The following IMPA1 variants were observed in gnomAD, a reference collection of about 807,000 sequenced individuals.
IMPA1 encodes inositol monophosphatase 1, also known as D-galactose 1-phosphate phosphatase.
IMPA1 carries 21 observed loss-of-function variants against 34.9 expected under a neutral mutation model. The observed-to-expected ratio is 0.60, with a 90% CI of 0.43 to 0.87. IMPA1 has a LOEUF of 0.87. Among genes scored for constraint, IMPA1 ranks in the 40% least tolerant of loss-of-function variants. IMPA1 has a pLI of 0.00. For missense variants in IMPA1, 299 were observed against 336.4 expected (o/e 0.89, Z 0.87); for synonymous variants, 95 against 104.4 (o/e 0.91, Z 0.55).
At chr8:81,683,897 G>A (rs550210281) in intron 1 of IMPA1, among the ~76,000 whole-genome samples, 2 of 152,202 alleles carry the variant, frequency 1.3e-5, no homozygotes, top group East Asian at 1.9e-4. Context: ...CTGTCCATTC[G>A]GATTCATCTT....
chr8:81,660,720 G>A (rs1340501055), intron 7 of IMPA1, 53 bp from the exon 8 acceptor site: 9 of 1,449,228 alleles, frequency 6.2e-6, no homozygotes, highest in Non-Finnish European at 2.8e-6. Flanking sequence ...TTTCAAGTAA[G>A]ATATTCCTCC....
chr8:81,676,045 A>G (rs1194171733), intron 5 of IMPA1, among the ~76,000 whole-genome samples, 189 bp downstream of exon 5: 4 of 152,348 alleles, frequency 2.6e-5, no homozygotes, highest in East Asian at 3.8e-4. Context: ...TGCTTCTCAG[A>G]ATACATAAAA....
chr8:81,683,198 G>A (rs531409377), intron 1 of IMPA1, among the ~76,000 whole-genome samples: 1 of 152,316 alleles, frequency 6.6e-6, no homozygotes, highest in East Asian at 1.9e-4. Context: ...GGAAACAGGA[G>A]AGATAAAGCT....
chr8:81,665,941 C>T (rs1268900724), intron 7 of IMPA1, among the ~76,000 whole-genome samples: 7 of 152,158 alleles, frequency 4.6e-5, no homozygotes, highest in African/African-American at 1.7e-4. Context: ...GTGCCCTCCC[C>T]CAAGGAATCT....
At chr8:81,677,463 T>C (rs1214821112) in intron 4 of IMPA1, among the ~76,000 whole-genome samples, 1 of 152,218 alleles carries the variant, frequency 6.6e-6, no homozygotes, top group East Asian at 1.9e-4. Context: ...AATAAATGGC[T>C]GTTACTTGTC....
chr8:81,683,455 T>G lies in IMPA1; in HGVS notation c.-24-1871A>C, dbSNP rs569971828. On this transcript the variant is annotated intron_variant, in intron 1 of 8. Coordinates refer to ENST00000256108, the MANE Select transcript of IMPA1 (RefSeq NM_005536.4). ...GTCAGAGATACCTGTTTTGAGGGAA[T>G]CTAACAGATTGGCTACAGAGTACCA... 8.5e-5 allele frequency among the ~76,000 whole-genome samples: 13 copies of G among 152,210 alleles called. 1 individual carries two copies. In the South Asian group the frequency reaches 2.7e-3, roughly 32 times the overall value.
At position 81,685,781 on chromosome 8, in the gene IMPA1, A is replaced by G. The variant is rs748443630; in HGVS notation, c.-25+471T>C. On this transcript the variant is annotated intron_variant, in intron 1 of 8. Coordinates refer to ENST00000256108, the MANE Select transcript of IMPA1 (RefSeq NM_005536.4). Reference sequence around the variant, plus strand: ...TACTCACTTTCATTTTCCCAAAGCCATAAACACCTGAACTGTTTCCTGCTG... The same window carrying G: ...TACTCACTTTCATTTTCCCAAAGCCGTAAACACCTGAACTGTTTCCTGCTG... The G allele has an allele frequency of 8.4e-6, 13 of 1,540,812 alleles. No homozygotes were observed. In the South Asian group the frequency reaches 1.5e-4, roughly 17 times the overall value.
intron 7 of IMPA1, among the ~76,000 whole-genome samples, chr8:81,662,365 A>C (rs1287798459): frequency 6.6e-6 from 1 of 152,222 alleles, no homozygotes; most frequent in Admixed American, 6.5e-5. Flanking sequence ...GCCAAACAAC[A>C]GTGATATCTA....
Position 81,657,614 on chromosome 8 carries a change from T to C in IMPA1, c.*1737A>G, listed in dbSNP as rs79947107. On this transcript the variant is annotated 3_prime_UTR_variant, in exon 9 of 9. Coordinates refer to ENST00000256108, the MANE Select transcript of IMPA1 (RefSeq NM_005536.4). Reference sequence around the variant, plus strand: ...AAAAACAAAACAAAGCCTCTAAAAGTAGTTTGAACTATTAACTTTAATAAT... The same window carrying C: ...AAAAACAAAACAAAGCCTCTAAAAGCAGTTTGAACTATTAACTTTAATAAT... Among the ~76,000 whole-genome samples the C allele has an allele frequency of 0.029, 4,468 of 151,504 alleles. 96 individuals carry two copies. The highest frequency in any genetic ancestry group is 0.088 in the East Asian group (446 of 5,080).
chr8:81,681,414 G>T lies in IMPA1; in HGVS notation c.63+84C>A, dbSNP rs867358541. ...CCGTTTCAAAAAAAGAAACCAAATCGAAACAAACAAAACAAGGCAACAACA... is the reference window on the plus strand; with the variant it reads ...CCGTTTCAAAAAAAGAAACCAAATCTAAACAAACAAAACAAGGCAACAACA... On this transcript the variant is annotated intron_variant, in intron 2 of 8. Coordinates refer to ENST00000256108, the MANE Select transcript of IMPA1 (RefSeq NM_005536.4). The T allele has an allele frequency of 3.7e-6, 3 of 816,958 alleles. No individual in the cohort carries two copies. In the African/African-American group the frequency reaches 5.2e-5, roughly 14 times the overall value. 50.6% of individuals were successfully genotyped at this position (816,958 alleles called of 1,614,324 possible).
intron 3 of IMPA1, among the ~76,000 whole-genome samples, chr8:81,679,907 C>T (rs1473113141): frequency 7.2e-5 from 11 of 151,932 alleles, no homozygotes; most frequent in South Asian, 6.2e-4. Flanking sequence ...GAGGCTGAGG[C>T]GGGCGGACCA....
chr8:81,682,312 T>C (rs1411467895), intron 1 of IMPA1, among the ~76,000 whole-genome samples: 1 of 152,168 alleles, frequency 6.6e-6, no homozygotes. Flanking sequence ...AGTCTGTACC[T>C]AGCACAGTAA....
chr8:81,674,707 T>C, intron 5 of IMPA1: 1 of 402,210 alleles, frequency 2.5e-6, no homozygotes, highest in Non-Finnish European at 5.0e-6. Flanking sequence ...TTTTTCTTCC[T>C]TCTCCCATTG....
intron 7 of IMPA1, among the ~76,000 whole-genome samples, chr8:81,667,410 C>T (rs1228375570): frequency 6.6e-6 from 1 of 152,124 alleles, no homozygotes; most frequent in Non-Finnish European, 1.5e-5. Flanking sequence ...TGTGGCAGTA[C>T]TGGTGTGGGG....
intron 8 of IMPA1, 21 bp downstream of exon 8, chr8:81,660,495 C>T (rs1484833720): frequency 6.2e-7 from 1 of 1,602,520 alleles, no homozygotes; most frequent in African/African-American, 1.3e-5. Context: ...TGGAGATCTG[C>T]TTCACTCTCC....
At chr8:81,668,662 G>A (rs537853352) in intron 7 of IMPA1, among the ~76,000 whole-genome samples, 2 of 152,264 alleles carry the variant, frequency 1.3e-5, no homozygotes, top group East Asian at 3.9e-4. Context: ...GGAAAACTCA[G>A]CCTGGCCAAG....
chr8:81,663,408 A>G (rs1462972770), intron 7 of IMPA1, among the ~76,000 whole-genome samples: 2 of 152,180 alleles, frequency 1.3e-5, no homozygotes, highest in Non-Finnish European at 2.9e-5. Context: ...GTCAACCTAT[A>G]TTTTGAAGGG....
intron 6 of IMPA1, among the ~76,000 whole-genome samples, chr8:81,672,817 G>A (rs1008365641): frequency 2.0e-5 from 3 of 152,082 alleles, no homozygotes; most frequent in Admixed American, 1.3e-4. Context: ...CAGCTTTAAC[G>A]GGCTTTTTTT....
Position 81,686,245 on chromosome 8 carries a change from G to C in IMPA1, c.-25+7C>G, listed in dbSNP as rs1328231300. 2.0e-6 allele frequency: 2 copies of C among 1,014,214 alleles called. No individual in the cohort carries two copies. Among genetic ancestry groups the C allele is most frequent in the Non-Finnish European group, 2.4e-6 (2 of 845,168 alleles). The allele number at this position is 1,014,214 out of a possible 1,614,324, so 62.8% of individuals were successfully genotyped here. ...GGAGGGTGCGGTGAGGAAAATAACG[G>C]TCTCACCTTGAGTCGGAGGACGTCC... On this transcript the variant is annotated splice_region_variant and intron_variant, in intron 1 of 8. Transcript: ENST00000256108.
Sources: gnomAD v4.1 joint callset for allele counts (sites outside exome capture counted in the v4.1 genomes callset) on GRCh38, gnomAD v4.1.1 for gene constraint, MANE v1.5 for transcripts, NCBI Gene and HGNC (gene_info 2026-07-23, HGNC 2026-07-21) for gene names.